PARP11: variants seen among roughly 807,000 people sequenced by gnomAD.
PARP11 encodes poly(ADP-ribose) polymerase family member 11.
In PARP11, 31 loss-of-function variants were observed where a neutral mutation model predicts 42.9. That is an observed-to-expected ratio of 0.72 (90% CI 0.54 to 0.98). The LOEUF (loss-of-function observed/expected upper bound fraction) is 0.98, where lower values mean the gene tolerates loss of function less well. PARP11 is among the 50% of genes least tolerant of loss of function. PARP11 has a pLI of 0.00. For missense variants in PARP11, 365 were observed against 413.1 expected, an observed-to-expected ratio of 0.88 and a Z score of 1.01; for synonymous variants, 137 against 127.3, an observed-to-expected ratio of 1.08 and a Z score of -0.51.
intron 1 of PARP11, among the ~76,000 whole-genome samples, chr12:3,830,860 C>T (rs557402863): frequency 2.0e-5 from 3 of 152,218 alleles, no homozygotes; most frequent in African/African-American, 4.8e-5. Flanking sequence ...CGCACTTAGC[C>T]GCCGTCATAT....
At chr12:3,834,319 C>A (rs1047769347) in intron 1 of PARP11, among the ~76,000 whole-genome samples, 2 of 152,268 alleles carry the variant, frequency 1.3e-5, no homozygotes, top group South Asian at 4.1e-4. Context: ...GAGAGCAGAA[C>A]CCCATGCCTA....
intron 1 of PARP11, among the ~76,000 whole-genome samples, chr12:3,852,204 T>G (rs1327823632): frequency 6.6e-6 from 1 of 152,074 alleles, no homozygotes; most frequent in Non-Finnish European, 1.5e-5. Flanking sequence ...AGCTGAAAAT[T>G]CTAAAAACCA....
chr12:3,835,749 T>C (rs1289363635), intron 1 of PARP11, among the ~76,000 whole-genome samples: 1 of 151,924 alleles, frequency 6.6e-6, no homozygotes, highest in Non-Finnish European at 1.5e-5. Context: ...GTAAGTAAAA[T>C]GAAACACTCT....
At chr12:3,853,103 C>G (rs1162814879) in intron 1 of PARP11, among the ~76,000 whole-genome samples, 1 of 152,104 alleles carries the variant, frequency 6.6e-6, no homozygotes, top group Non-Finnish European at 1.5e-5. Flanking sequence ...TTGTCATCAC[C>G]AGGCCTGCCT....
At chr12:3,853,832 AT>A (rs1404221804) in intron 1 of PARP11, among the ~76,000 whole-genome samples, 4 of 152,208 alleles carry the variant, frequency 2.6e-5, no homozygotes. Flanking sequence ...CAGAATACAC[AT>A]TCTTCTCAGC....
chr12:3,873,367 C>T lies in PARP11; in HGVS notation c.-138G>A. 2 of 768,318 alleles carry T rather than the reference C, an allele frequency of 2.6e-6. No homozygotes were observed. The highest frequency in any genetic ancestry group is 2.7e-5 in the East Asian group (1 of 36,948). 47.6% of individuals were successfully genotyped at this position (768,318 alleles called of 1,614,324 possible). ...AACCTTTACGAAGGCCTTCCTCCTC[C>T]CCCTCCCTGTCACAAGCCAGCGTTT... On this transcript the variant is annotated 5_prime_UTR_variant, in exon 1 of 8. Transcript: ENST00000228820.
chr12:3,860,486 C>A (rs1468790360), intron 1 of PARP11, among the ~76,000 whole-genome samples: 2 of 152,122 alleles, frequency 1.3e-5, no homozygotes, highest in African/African-American at 4.8e-5. Flanking sequence ...ATCAGAGGGT[C>A]CAGAAGGCAG....
At chr12:3,852,681 C>T (rs1023293718) in intron 1 of PARP11, among the ~76,000 whole-genome samples, 5 of 152,222 alleles carry the variant, frequency 3.3e-5, no homozygotes, top group Admixed American at 6.5e-5. Context: ...AGTGACGGGG[C>T]GAATGGAACC....
chr12:3,837,853 T>C (rs75492151), intron 1 of PARP11, among the ~76,000 whole-genome samples: 2 of 151,338 alleles, frequency 1.3e-5, no homozygotes, highest in Admixed American at 6.6e-5. Flanking sequence ...TAAAAAGAGA[T>C]AAAGAAGGTC....
At chr12:3,823,028 C>A (rs1471971151) in intron 4 of PARP11, among the ~76,000 whole-genome samples, 3 of 152,040 alleles carry the variant, frequency 2.0e-5, no homozygotes, top group African/African-American at 4.8e-5. Context: ...TCAAGCCACC[C>A]GATGTGAATA....
At chr12:3,867,946 T>TA (rs1401806694) in intron 1 of PARP11, among the ~76,000 whole-genome samples, 102 of 152,354 alleles carry the variant, frequency 6.7e-4, no homozygotes, top group African/African-American at 2.3e-3. Flanking sequence ...GACCTTGATA[T>TA]TCCTAAACAT....
chr12:3,842,203 A>T (rs1947903662), intron 1 of PARP11: 2 of 1,608,326 alleles, frequency 1.2e-6, no homozygotes, highest in African/African-American at 2.7e-5. Flanking sequence ...CCTGGGGCCA[A>T]CTCTGTGGAT....
intron 1 of PARP11, among the ~76,000 whole-genome samples, chr12:3,843,460 G>GT (rs1325301853): frequency 6.6e-6 from 1 of 152,146 alleles, no homozygotes; most frequent in African/African-American, 2.4e-5. Flanking sequence ...TACTGTGTGT[G>GT]TATTTTTTTT....
intron 7 of PARP11, among the ~76,000 whole-genome samples, chr12:3,813,337 T>C (rs1402536583): frequency 6.6e-6 from 1 of 152,226 alleles, no homozygotes; most frequent in Non-Finnish European, 1.5e-5. Flanking sequence ...TGAGAGAGTA[T>C]AATGCTATTC....
rs573009082 is a variant in PARP11 at position 3,867,243 on chromosome 12, G to GA, written c.18+5968dup. Among the ~76,000 whole-genome samples the GA allele has an allele frequency of 8.0e-4, 122 of 152,228 alleles. 1 individual carries two copies. Among genetic ancestry groups the GA allele is most frequent in the African/African-American group, 2.8e-3 (117 of 41,530 alleles). ...AACAATATGCCTCCTGATTATAACT[G>GA]AGTGTTGAAGGAAATAATGGAAATT... On this transcript the variant is annotated intron_variant, in intron 1 of 7. Transcript: ENST00000228820.
intron 1 of PARP11, among the ~76,000 whole-genome samples, chr12:3,847,153 C>T (rs1288219496): frequency 6.6e-6 from 1 of 152,034 alleles, no homozygotes; most frequent in African/African-American, 2.4e-5. Context: ...AGCAAACCAA[C>T]AATAAGTAAC....
Position 3,822,098 on chromosome 12 carries a change from T to C in PARP11, c.404A>G (p.Gln135Arg). The C allele has an allele frequency of 6.2e-7, 1 of 1,613,842 alleles. No individual in the cohort carries two copies. ...MPPHWENVNT[Q>R]VPYQLIPLHN... is the part of the protein sequence containing the mutation. Reference sequence around the variant, plus strand: ...TTCTGCTCTTACCTGATATGGTACTTGAGTATTCACATTCTCCCAGTGTGG... The same window carrying C: ...TTCTGCTCTTACCTGATATGGTACTCGAGTATTCACATTCTCCCAGTGTGG... Residue 135 changes from glutamine (Q) to arginine (R), a missense_variant, in exon 5 of 8, where the codon CAA becomes CGA. By Grantham distance (43) the Gln-to-Arg change is conservative. Coordinates refer to ENST00000228820, the MANE Select transcript of PARP11 (RefSeq NM_020367.6).
At chr12:3,859,585 G>T in intron 1 of PARP11, among the ~76,000 whole-genome samples, 1 of 147,462 alleles carries the variant, frequency 6.8e-6, no homozygotes, top group Non-Finnish European at 1.5e-5. Context: ...AAAGGCAGAT[G>T]TAAATAATAA....
At chr12:3,841,497 T>C in intron 1 of PARP11, 16 of 1,521,516 alleles carry the variant, frequency 1.1e-5, no homozygotes, top group South Asian at 4.5e-5. Context: ...CTGAGGCTAG[T>C]GTTAATGGTC....
Sources: gnomAD v4.1 joint callset for allele counts (sites outside exome capture counted in the v4.1 genomes callset) on GRCh38, gnomAD v4.1.1 for gene constraint, MANE v1.5 for transcripts, NCBI Gene and HGNC (gene_info 2026-07-23, HGNC 2026-07-21) for gene names.